NEMP2: variants seen among roughly 807,000 people sequenced by gnomAD.
The protein encoded by NEMP2 is UPF0571 transmembrane protein.
In NEMP2, 53 loss-of-function variants were observed where a neutral mutation model predicts 54.2. The ratio of observed to expected loss-of-function variants is 0.98; its 90% CI spans 0.78 to 1.23. The LOEUF is 1.23. Ranked by LOEUF, NEMP2 falls within the 50% of genes most tolerant of loss-of-function variation. The pLI, the probability that NEMP2 is intolerant of heterozygous loss-of-function variation, is 0.00. For synonymous variants in NEMP2, 197 were observed against 190.3 expected, an observed-to-expected ratio of 1.04 and a Z score of -0.29; for missense variants, 455 against 511.3, an observed-to-expected ratio of 0.89 and a Z score of 1.06.
Position 190,514,452 on chromosome 2 carries a change from C to A in NEMP2, c.953+1G>T. The A allele has an allele frequency of 6.5e-7, 1 of 1,550,206 alleles. No individual in the cohort carries two copies. Among genetic ancestry groups the A allele is most frequent in the South Asian group, 1.2e-5 (1 of 83,908 alleles). On this transcript the variant is annotated splice_donor_variant, in intron 7 of 8. Transcript: ENST00000409150. LOFTEE classifies it high-confidence loss of function. This position sits in a 1 kb window ranked among gnomAD's most constrained non-coding sequence, Gnocchi z 5.7. ...TGCTGGGGGAAAAAAATGATACATA[C>A]CACCTCATATAACTGCATGCTCTCA...
At chr2:190,599,724 T>C in the NEMP2 span, among the ~76,000 whole-genome samples, 2 of 152,126 alleles carry the variant, frequency 1.3e-5, no homozygotes, top group Admixed American at 6.5e-5. Flanking sequence ...TCGCTATGCA[T>C]CGAAACTACA....
chr2:190,540,143 T>C, the NEMP2 span, among the ~76,000 whole-genome samples: 2 of 152,226 alleles, frequency 1.3e-5, no homozygotes, highest in East Asian at 1.9e-4. Context: ...GAATATTTTA[T>C]TGAATGTTTT....
the NEMP2 span, among the ~76,000 whole-genome samples, chr2:190,456,920 T>C: frequency 4.6e-5 from 7 of 152,310 alleles, no homozygotes; most frequent in Middle Eastern, 6.8e-3. This position sits in a 1 kb window ranked among gnomAD's most constrained non-coding sequence, Gnocchi z 5.4. Context: ...CATTTGCTTT[T>C]CTACTTTCCT....
chr2:190,627,664 T>C, the NEMP2 span, among the ~76,000 whole-genome samples: 32 of 152,160 alleles, frequency 2.1e-4, no homozygotes, highest in African/African-American at 7.2e-4. The surrounding 1 kb of genome is among the most constrained non-coding windows in gnomAD (Gnocchi z 4.4). Flanking sequence ...CAGTGTTGAC[T>C]CTATTCTTTT....
chr2:190,591,977 T>C, the NEMP2 span, among the ~76,000 whole-genome samples: 1 of 152,122 alleles, frequency 6.6e-6, no homozygotes, highest in Non-Finnish European at 1.5e-5. This position sits in a 1 kb window ranked among gnomAD's most constrained non-coding sequence, Gnocchi z 5.4. Flanking sequence ...TAAATGGGAA[T>C]ATGGAGGAGG....
chr2:190,614,458 A>G, the NEMP2 span, among the ~76,000 whole-genome samples: 2 of 152,224 alleles, frequency 1.3e-5, no homozygotes, highest in African/African-American at 4.8e-5. This position sits in a 1 kb window ranked among gnomAD's most constrained non-coding sequence, Gnocchi z 5.7. Flanking sequence ...AACAAAAACA[A>G]AAACATGAAG....
At chr2:190,445,984 G>C in the NEMP2 span, among the ~76,000 whole-genome samples, 1 of 151,980 alleles carries the variant, frequency 6.6e-6, no homozygotes, top group African/African-American at 2.4e-5. Context: ...TCTGGTACGA[G>C]GGGAAAAAAA....
At position 190,510,419 on chromosome 2, in the gene NEMP2, A is replaced by G. The variant is rs1294490108; in HGVS notation, c.1072T>C (p.Cys358Arg). ...CATGAGGGAAAGTCGGGTTTTCGGC[A>G]GGCCCGGCGTAGCTCCTCCAGAGCA... ...NSALEELRRA[C>R]RKPDFPSWLV... Residue 358 changes from cysteine to arginine, a missense_variant, in exon 8 of 9, where the codon TGC (cysteine) becomes CGC (arginine). Cys to Arg is a radical substitution (Grantham distance 180, BLOSUM62 -3). Around this residue, in one of 3 missense-constraint regions of NEMP2, gnomAD observed 294 missense variants for 333.6 expected, o/e 0.88. Coordinates refer to ENST00000409150, the MANE Select transcript of NEMP2 (RefSeq NM_001142645.2). The surrounding 1 kb of genome is among the most constrained non-coding windows in gnomAD (Gnocchi z 5.7). 11 of 1,551,736 alleles carry G rather than the reference A, an allele frequency of 7.1e-6. No individual in the cohort carries two copies. Among genetic ancestry groups the G allele is most frequent in the Non-Finnish European group, 9.6e-6 (11 of 1,147,006 alleles).
At chr2:190,608,181 A>C in the NEMP2 span, 1 of 152,190 alleles carries the variant, frequency 6.6e-6, no homozygotes, top group Non-Finnish European at 1.5e-5. The surrounding 1 kb of genome is among the most constrained non-coding windows in gnomAD (Gnocchi z 4.9). Context: ...CATCTTGGCT[A>C]TCAGATTGTT....
At chr2:190,503,213 CTGA>C (rs1478236696), downstream of NEMP2, among the ~76,000 whole-genome samples, 3 of 152,184 alleles carry the variant, frequency 2.0e-5, no homozygotes. This position sits in a 1 kb window ranked among gnomAD's most constrained non-coding sequence, Gnocchi z 6.3. Context: ...GTTGGCTGGA[CTGA>C]TAACTGCACA....
At chr2:190,572,810 C>T in the NEMP2 span, among the ~76,000 whole-genome samples, 6 of 104,482 alleles carry the variant, frequency 5.7e-5, no homozygotes, top group Non-Finnish European at 7.4e-5. Flanking sequence ...TTACAAACAA[C>T]GTCACAATAG....
At chr2:190,550,781 T>C in the NEMP2 span, among the ~76,000 whole-genome samples, 3 of 152,340 alleles carry the variant, frequency 2.0e-5, no homozygotes, top group South Asian at 4.1e-4. This position sits in a 1 kb window ranked among gnomAD's most constrained non-coding sequence, Gnocchi z 4.7. Context: ...CATGTTGATA[T>C]ATCTTTTAAT....
chr2:190,469,077 ATGG>A, the NEMP2 span, among the ~76,000 whole-genome samples: 1 of 152,154 alleles, frequency 6.6e-6, no homozygotes, highest in Admixed American at 6.5e-5. This position sits in a 1 kb window ranked among gnomAD's most constrained non-coding sequence, Gnocchi z 5.3. Flanking sequence ...GGCAGCGGTA[ATGG>A]TGGGGGTGAG....
chr2:190,537,462 C>T (rs1691413695), upstream of NEMP2, among the ~76,000 whole-genome samples: 1 of 152,194 alleles, frequency 6.6e-6, no homozygotes, highest in Non-Finnish European at 1.5e-5. Flanking sequence ...CCCCTTCACT[C>T]AGCACTTCTC....
upstream of NEMP2, among the ~76,000 whole-genome samples, chr2:190,539,658 T>C (rs1439480693): frequency 6.6e-6 from 1 of 152,184 alleles, no homozygotes; most frequent in Admixed American, 6.5e-5. The surrounding 1 kb of genome is among the most constrained non-coding windows in gnomAD (Gnocchi z 4.1). Flanking sequence ...GATTCCTAGG[T>C]ATTTTATACT....
chr2:190,548,947 A>G, the NEMP2 span, among the ~76,000 whole-genome samples: 9 of 152,340 alleles, frequency 5.9e-5, no homozygotes, highest in East Asian at 1.7e-3. Context: ...TTATAGTTGT[A>G]TGAACCAAGT....
the NEMP2 span, among the ~76,000 whole-genome samples, chr2:190,639,745 T>C: frequency 6.6e-6 from 1 of 151,582 alleles, no homozygotes; most frequent in African/African-American, 2.4e-5. Context: ...GCCTCCCGGG[T>C]TCAAGTGATT....
At chr2:190,549,129 A>G in the NEMP2 span, among the ~76,000 whole-genome samples, 2 of 152,184 alleles carry the variant, frequency 1.3e-5, no homozygotes, top group African/African-American at 4.8e-5. Context: ...CACTGTTTTC[A>G]TACTTACAGT....
At chr2:190,639,154 T>G in the NEMP2 span, among the ~76,000 whole-genome samples, 2 of 152,186 alleles carry the variant, frequency 1.3e-5, no homozygotes, top group African/African-American at 4.8e-5. Flanking sequence ...TAAATATATA[T>G]AAAATCAATA....
Sources: allele counts gnomAD v4.1 joint callset (sites outside exome capture counted in the v4.1 genomes callset), GRCh38; gene constraint gnomAD v4.1.1; regional missense constraint gnomAD v4.1.1; non-coding constraint Gnocchi (gnomAD v3.1); transcripts MANE v1.5; gene names NCBI Gene and HGNC (gene_info 2026-07-23, HGNC 2026-07-21).